Variants in JAZF1 observed in about 807,000 individuals in gnomAD.
The protein encoded by JAZF1 is juxtaposed with another zinc finger protein 1.
In JAZF1, 8 loss-of-function variants were observed where a neutral mutation model predicts 26.4. The ratio of observed to expected loss-of-function variants is 0.30; its 90% CI spans 0.18 to 0.55. JAZF1 has a LOEUF of 0.55. JAZF1 is among the 20% of genes least tolerant of loss of function. The probability of loss-of-function intolerance (pLI) is 0.94; values close to 1 mark genes in which losing one functional copy is unlikely to be tolerated. For missense variants in JAZF1, 199 were observed against 322.0 expected, an observed-to-expected ratio of 0.62 and a Z score of 2.92; for synonymous variants, 126 against 122.3, an observed-to-expected ratio of 1.03 and a Z score of -0.20.
At chr7:28,040,212 A>G (rs1025419075) in intron 1 of JAZF1, among the ~76,000 whole-genome samples, 5 of 152,230 alleles carry the variant, frequency 3.3e-5, no homozygotes, top group African/African-American at 1.2e-4. Flanking sequence ...AAACACATAA[A>G]AAAAATCTAA....
intron 3 of JAZF1, among the ~76,000 whole-genome samples, chr7:27,883,418 A>G: frequency 6.6e-6 from 1 of 152,234 alleles, no homozygotes; most frequent in East Asian, 1.9e-4. Flanking sequence ...TTAATAGTAG[A>G]GATGAAATTC....
At chr7:27,979,188 G>A (rs1346862405) in intron 2 of JAZF1, among the ~76,000 whole-genome samples, 3 of 151,974 alleles carry the variant, frequency 2.0e-5, no homozygotes, top group East Asian at 1.9e-4. Flanking sequence ...GAAAAGAATC[G>A]AGTATAAAAA....
intron 2 of JAZF1, among the ~76,000 whole-genome samples, chr7:27,972,182 C>A (rs1785385065): frequency 6.6e-6 from 1 of 152,104 alleles, no homozygotes; most frequent in Non-Finnish European, 1.5e-5. Flanking sequence ...GTGATAAGCA[C>A]TATGAAGAAC....
intron 2 of JAZF1, among the ~76,000 whole-genome samples, chr7:27,959,854 C>A (rs555650935): frequency 6.6e-6 from 1 of 151,258 alleles, no homozygotes; most frequent in Non-Finnish European, 1.5e-5. Flanking sequence ...GAGCCGAGAT[C>A]ATGCTATTGC....
intron 1 of JAZF1, among the ~76,000 whole-genome samples, chr7:28,057,350 G>A (rs962028458): frequency 6.6e-6 from 1 of 152,158 alleles, no homozygotes; most frequent in African/African-American, 2.4e-5. Context: ...AGTATAGGTT[G>A]AAGAGAGACC....
intron 1 of JAZF1, among the ~76,000 whole-genome samples, chr7:28,100,674 G>C (rs949446766): frequency 6.6e-6 from 1 of 152,074 alleles, no homozygotes; most frequent in African/African-American, 2.4e-5. Context: ...GATCACTCTA[G>C]ACTCAAACTT....
At chr7:27,962,028 C>T (rs986668111) in intron 2 of JAZF1, among the ~76,000 whole-genome samples, 16 of 152,146 alleles carry the variant, frequency 1.1e-4, no homozygotes, top group African/African-American at 3.6e-4. Flanking sequence ...ATGAAGATGG[C>T]ATCTCAGCCA....
chr7:28,179,603 G>T (rs1286319100), intron 1 of JAZF1, among the ~76,000 whole-genome samples: 1 of 151,088 alleles, frequency 6.6e-6, no homozygotes, highest in Non-Finnish European at 1.5e-5. Context: ...GGGGCCTCCA[G>T]GGCGCGTCGA....
At chr7:27,942,106 G>A (rs1784856716) in intron 2 of JAZF1, among the ~76,000 whole-genome samples, 1 of 152,246 alleles carries the variant, frequency 6.6e-6, no homozygotes, top group South Asian at 2.1e-4. Flanking sequence ...ACCTAGCAGA[G>A]TGCTATCACA....
At chr7:28,124,315 C>T (rs1399447711) in intron 1 of JAZF1, among the ~76,000 whole-genome samples, 1 of 152,142 alleles carries the variant, frequency 6.6e-6, no homozygotes, top group Non-Finnish European at 1.5e-5. Flanking sequence ...CAGCACCTTG[C>T]TCCTGGACTT....
chr7:28,098,574 A>G (rs6971086), intron 1 of JAZF1, among the ~76,000 whole-genome samples: 42,360 of 151,936 alleles, frequency 0.28, 6,087 homozygotes, highest in East Asian at 0.57. Flanking sequence ...AGAATGGAAC[A>G]TTATTCACTT....
At chr7:27,942,530 C>T (rs1784863770) in intron 2 of JAZF1, among the ~76,000 whole-genome samples, 1 of 152,182 alleles carries the variant, frequency 6.6e-6, no homozygotes, top group African/African-American at 2.4e-5. Context: ...ACACAGCATC[C>T]CTATGAGGTG....
At chr7:28,166,127 T>A (rs919978901) in intron 1 of JAZF1, among the ~76,000 whole-genome samples, 3 of 149,434 alleles carry the variant, frequency 2.0e-5, no homozygotes, top group South Asian at 2.1e-4. Flanking sequence ...TATATATATA[T>A]AAAAAAAGTT....
At chr7:27,964,019 A>G (rs1389480113) in intron 2 of JAZF1, among the ~76,000 whole-genome samples, 2 of 152,210 alleles carry the variant, frequency 1.3e-5, no homozygotes, top group Admixed American at 1.3e-4. Context: ...TAGTGATGGC[A>G]ATTGTGAATT....
At chr7:27,969,375 G>A (rs1035284881) in intron 2 of JAZF1, among the ~76,000 whole-genome samples, 2 of 152,102 alleles carry the variant, frequency 1.3e-5, no homozygotes, top group African/African-American at 2.4e-5. Context: ...ACAGGGCCAT[G>A]TTGTCACCTA....
chr7:28,070,878 C>T (rs1349763555), intron 1 of JAZF1, among the ~76,000 whole-genome samples: 3 of 152,220 alleles, frequency 2.0e-5, no homozygotes, highest in African/African-American at 4.8e-5. Context: ...GTGAGCTCCT[C>T]GAGGGCACAG....
chr7:28,054,433 C>T (rs1020707696), intron 1 of JAZF1, among the ~76,000 whole-genome samples: 8 of 152,116 alleles, frequency 5.3e-5, no homozygotes, highest in African/African-American at 1.2e-4. Context: ...TTCCTATATA[C>T]GAAGAGAACA....
chr7:27,964,576 C>T (rs6968592), intron 2 of JAZF1, among the ~76,000 whole-genome samples: 7,801 of 151,678 alleles, frequency 0.051, 641 homozygotes, highest in East Asian at 0.35. Flanking sequence ...ATAAATGATC[C>T]ACCCCTACCA....
chr7:27,935,328 TA>T (rs1784749786), intron 2 of JAZF1, among the ~76,000 whole-genome samples: 2 of 152,306 alleles, frequency 1.3e-5, no homozygotes, highest in South Asian at 4.1e-4. Context: ...GAGAAATTAA[TA>T]AACAAAATAT....
Sources: allele counts gnomAD v4.1 joint callset (sites outside exome capture counted in the v4.1 genomes callset), GRCh38; gene constraint gnomAD v4.1.1; transcripts MANE v1.5; gene names NCBI Gene and HGNC (gene_info 2026-07-23, HGNC 2026-07-21).